Variants in ATP10D observed in about 807,000 individuals in gnomAD.
ATP10D encodes the protein phospholipid-transporting ATPase VD.
Under a neutral mutation model 144.8 loss-of-function variants are expected in ATP10D, and 89 were observed. The observed-to-expected ratio is 0.61, with a 90% CI of 0.52 to 0.73. The LOEUF (loss-of-function observed/expected upper bound fraction) is 0.73, where lower values mean the gene tolerates loss of function less well. Among genes scored for constraint, ATP10D ranks in the 30% least tolerant of loss-of-function variants. The probability of loss-of-function intolerance (pLI) is 0.00; values close to 1 mark genes in which losing one functional copy is unlikely to be tolerated. For missense variants in ATP10D, 1,603 were observed against 1,714.8 expected, an observed-to-expected ratio of 0.93 and a Z score of 1.15; for synonymous variants, 571 against 615.1, an observed-to-expected ratio of 0.93 and a Z score of 1.06.
rs1236647760 is a variant in ATP10D, at chr4:47,536,846, T to A, written c.1304T>A (p.Leu435His). Residue 435 changes from leucine to histidine, a missense_variant, in exon 9 of 23, where the codon CTC (leucine) becomes CAC (histidine). Physicochemically the swap from Leu to His is moderately conservative, Grantham distance 99. Coordinates refer to ENST00000273859, the MANE Select transcript of ATP10D (RefSeq NM_020453.4). Reference protein sequence around the residue: ...IAEDLGQIQYLFSDKTGTLTE... With the variant: ...IAEDLGQIQYHFSDKTGTLTE... ...GAGGATCTGGGACAGATTCAGTACC[T>A]CTTTTCCGATAAGACAGGAACCCTC... 2 of 1,613,276 alleles carry A rather than the reference T, an allele frequency of 1.2e-6. No homozygotes were observed. Among genetic ancestry groups the A allele is most frequent in the Admixed American group, 1.7e-5 (1 of 59,810 alleles).
At chr4:47,590,621 A>C (rs1720982202) in intron 22 of ATP10D, among the ~76,000 whole-genome samples, 1 of 152,104 alleles carries the variant, frequency 6.6e-6, no homozygotes, top group Non-Finnish European at 1.5e-5. Flanking sequence ...AGCTTAGCCT[A>C]CAAAGGGACA....
chr4:47,565,546 C>T (rs1719582894), intron 15 of ATP10D, among the ~76,000 whole-genome samples: 1 of 152,090 alleles, frequency 6.6e-6, no homozygotes, highest in African/African-American at 2.4e-5. Context: ...CCTCCTGTGC[C>T]GCTTTTTCTT....
intron 17 of ATP10D, among the ~76,000 whole-genome samples, chr4:47,572,477 A>G (rs1048562804): frequency 1.3e-5 from 2 of 152,242 alleles, no homozygotes; most frequent in South Asian, 2.1e-4. Context: ...TCACAGGAAT[A>G]TATATTTTAG....
chr4:47,535,543 A>G lies in ATP10D; in HGVS notation c.811A>G (p.Lys271Glu), dbSNP rs753412403. The G allele has an allele frequency of 3.1e-6, 5 of 1,613,148 alleles. No homozygotes were observed. In the South Asian group the frequency reaches 5.5e-5, roughly 18 times the overall value. ...CAACAAAGAACGCGTGGGTCTCAGT[A>G]AAGAAAATTTGTTGCTTAGAGGATG... is the stretch of plus-strand genomic sequence containing the variant. ...HSNKERVGLS[K>E]ENLLLRGCTI... The change falls in exon 6 of 23, where the codon AAA becomes GAA. Residue 271 changes from lysine (K) to glutamate (E), a missense_variant. Lys to Glu is a moderately conservative substitution (Grantham distance 56, BLOSUM62 1). Coordinates refer to ENST00000273859, the MANE Select transcript of ATP10D (RefSeq NM_020453.4).
In ATP10D at chr4:47,557,849, A is replaced by G. The variant is rs1469137702; in HGVS notation, c.2010A>G (p.Ser670=). Residue 670 remains serine, a synonymous_variant, in exon 12 of 23, where the codon TCA becomes TCG. Coordinates refer to ENST00000273859, the MANE Select transcript of ATP10D (RefSeq NM_020453.4). The part of the protein sequence containing the change: ...LPLFSRMKPA[S]PVEEEVSQVC... ...TCTTTAGTCGAATGAAACCAGCTTC[A>G]CCTGTGGAGGAAGAGGTCTCCCAGG... 5 of 1,614,060 alleles carry G rather than the reference A, an allele frequency of 3.1e-6. No individual in the cohort carries two copies. Among genetic ancestry groups the G allele is most frequent in the Admixed American group, 3.3e-5 (2 of 60,008 alleles).
intron 1 of ATP10D, among the ~76,000 whole-genome samples, chr4:47,490,228 T>A (rs1715001959): frequency 6.6e-6 from 1 of 152,220 alleles, no homozygotes; most frequent in Admixed American, 6.5e-5. Flanking sequence ...TCTTCTTTAC[T>A]AAATTCTTTC....
At chr4:47,548,669 T>G (rs1466786859) in intron 10 of ATP10D, among the ~76,000 whole-genome samples, 3 of 152,256 alleles carry the variant, frequency 2.0e-5, no homozygotes, top group Non-Finnish European at 4.4e-5. Context: ...TTGCTGATTA[T>G]GTGGATGCTC....
chr4:47,549,799 T>C (rs1718632713), intron 10 of ATP10D, among the ~76,000 whole-genome samples: 1 of 152,164 alleles, frequency 6.6e-6, no homozygotes, highest in South Asian at 2.1e-4. Flanking sequence ...AGGATTAAAC[T>C]AATGAGTAGA....
intron 5 of ATP10D, among the ~76,000 whole-genome samples, chr4:47,532,721 G>T (rs796139334): frequency 3.9e-5 from 6 of 152,220 alleles, no homozygotes; most frequent in African/African-American, 1.4e-4. Flanking sequence ...ATGCTCTAAG[G>T]TAGAACTGAC....
chr4:47,532,896 T>TG (rs1717642786), intron 5 of ATP10D, among the ~76,000 whole-genome samples: 2 of 152,176 alleles, frequency 1.3e-5, no homozygotes, highest in Non-Finnish European at 2.9e-5. Context: ...GTTGGAGCGC[T>TG]GGGCACATAG....
chr4:47,580,283 C>T, intron 19 of ATP10D, 115 bp from the exon 20 acceptor site: 1 of 844,058 alleles, frequency 1.2e-6, no homozygotes, highest in Non-Finnish European at 2.0e-6. Context: ...ACAAATACCA[C>T]TTGAAGAAAT....
chr4:47,552,612 A>G (rs1577676809), intron 10 of ATP10D, among the ~76,000 whole-genome samples: 2 of 152,240 alleles, frequency 1.3e-5, no homozygotes, highest in Admixed American at 6.5e-5. Context: ...GGATTTCAGC[A>G]TACAAATTTT....
At position 47,587,047 on chromosome 4, in the gene ATP10D, G is replaced by C; in HGVS notation, c.3782G>C (p.Gly1261Ala). ...TGGATTCACTTGCTGGTCATCATTG[G>C]TAGCATCTTGTCTTATTTTTTATTT... ...LTWIHLLVIIGSILSYFLFAI... is the reference protein window; with the variant it reads ...LTWIHLLVIIASILSYFLFAI... Residue 1261 changes from glycine to alanine, a missense_variant, in exon 22 of 23, where the codon GGT (glycine) becomes GCT (alanine). Physicochemically the swap from Gly to Ala is moderately conservative, Grantham distance 60. Coordinates refer to ENST00000273859, the MANE Select transcript of ATP10D (RefSeq NM_020453.4). The C allele has an allele frequency of 6.2e-7, 1 of 1,613,920 alleles. No homozygotes were observed. The highest frequency in any genetic ancestry group is 8.5e-7 in the Non-Finnish European group (1 of 1,179,896).
At chr4:47,493,860 TCTGTGATAAAGCTGG>T (rs1715214401) in intron 1 of ATP10D, among the ~76,000 whole-genome samples, 1 of 152,174 alleles carries the variant, frequency 6.6e-6, no homozygotes, top group Non-Finnish European at 1.5e-5. Context: ...GTGATTCTGA[TCTGTGATAAAGCTGG>T]AGACCACAGG....
intron 18 of ATP10D, among the ~76,000 whole-genome samples, chr4:47,574,164 A>C (rs537528061): frequency 2.0e-5 from 3 of 152,296 alleles, no homozygotes; most frequent in African/African-American, 7.2e-5. Context: ...TATTGTGGCA[A>C]TATCCATTCA....
chr4:47,537,921 A>C (rs1717934444), intron 9 of ATP10D, among the ~76,000 whole-genome samples: 1 of 152,182 alleles, frequency 6.6e-6, no homozygotes, highest in Non-Finnish European at 1.5e-5. Flanking sequence ...AAGATAGATA[A>C]ACAAGATTAA....
chr4:47,526,652 A>G (rs899422504), intron 5 of ATP10D, among the ~76,000 whole-genome samples: 1 of 152,218 alleles, frequency 6.6e-6, no homozygotes, highest in Non-Finnish European at 1.5e-5. Flanking sequence ...AACTACTAGA[A>G]ATAATGAGTT....
intron 5 of ATP10D, among the ~76,000 whole-genome samples, chr4:47,531,573 G>A (rs1162120171): frequency 6.6e-6 from 1 of 152,182 alleles, no homozygotes; most frequent in Non-Finnish European, 1.5e-5. Context: ...ATTGGGGTTA[G>A]TATTAGAAAA....
At chr4:47,561,716 A>T (rs148727196) in intron 14 of ATP10D, among the ~76,000 whole-genome samples, 4 of 152,320 alleles carry the variant, frequency 2.6e-5, no homozygotes, top group Non-Finnish European at 5.9e-5. Flanking sequence ...GAAGCACTTT[A>T]AAAAATATTG....
Sources: gnomAD v4.1 joint callset for allele counts (sites outside exome capture counted in the v4.1 genomes callset) on GRCh38, gnomAD v4.1.1 for gene constraint, MANE v1.5 for transcripts, NCBI Gene and HGNC (gene_info 2026-07-23, HGNC 2026-07-21) for gene names.